Variants in DNAH6 observed in about 807,000 individuals in gnomAD.
The protein encoded by DNAH6 is axonemal beta dynein heavy chain 6.
DNAH6 carries 340 observed loss-of-function variants against 491.4 expected under a neutral mutation model. The ratio of observed to expected loss-of-function variants is 0.69; its 90% CI spans 0.63 to 0.76. The LOEUF (loss-of-function observed/expected upper bound fraction) is 0.76. Among genes scored for constraint, DNAH6 ranks in the 30% least tolerant of loss-of-function variants. The pLI, the probability that DNAH6 is intolerant of heterozygous loss-of-function variation, is 0.00. For missense variants in DNAH6, 4,443 were observed against 4,972.2 expected, an observed-to-expected ratio of 0.89 and a Z score of 3.20; for synonymous variants, 1,603 against 1,686.1, an observed-to-expected ratio of 0.95 and a Z score of 1.21.
At chr2:84,700,868 G>T (rs541729110) in intron 48 of DNAH6, among the ~76,000 whole-genome samples, 1 of 152,268 alleles carries the variant, frequency 6.6e-6, no homozygotes, top group Admixed American at 6.5e-5. Flanking sequence ...AGCAACTTCC[G>T]TGTGCATGAT....
chr2:84,493,031 ATATATATTTACTATAG>A, the DNAH6 span, among the ~76,000 whole-genome samples: 2 of 152,084 alleles, frequency 1.3e-5, no homozygotes, highest in Non-Finnish European at 2.9e-5. Context: ...TACTACATGT[ATATATATTTACTATAG>A]CAGGGGTTGG....
At chr2:84,702,903 G>A (rs1696066391) in intron 49 of DNAH6, among the ~76,000 whole-genome samples, 3 of 152,138 alleles carry the variant, frequency 2.0e-5, no homozygotes. Flanking sequence ...CCAGATACCA[G>A]CCCTTTGATC....
intron 18 of DNAH6, among the ~76,000 whole-genome samples, chr2:84,598,489 A>G (rs1388910325): frequency 2.0e-5 from 3 of 152,316 alleles, no homozygotes; most frequent in African/African-American, 4.8e-5. Context: ...TTGTGTGAAC[A>G]TGAGTTTTCT....
intron 64 of DNAH6, among the ~76,000 whole-genome samples, chr2:84,780,146 G>A (rs1051417521): frequency 7.9e-5 from 12 of 151,934 alleles, no homozygotes; most frequent in African/African-American, 2.4e-4. Context: ...TATCTCCCAG[G>A]GTTTCTCTGA....
chr2:84,466,549 G>C, the DNAH6 span, among the ~76,000 whole-genome samples: 2 of 152,098 alleles, frequency 1.3e-5, no homozygotes, highest in African/African-American at 4.8e-5. Context: ...CAAAACAAAG[G>C]ATCAGCAATA....
At chr2:84,649,274 C>A (rs143245837) in intron 33 of DNAH6, among the ~76,000 whole-genome samples, 1 of 152,310 alleles carries the variant, frequency 6.6e-6, no homozygotes, top group East Asian at 1.9e-4. Flanking sequence ...GAACCCACAG[C>A]ATCTCTGAAG....
chr2:84,758,573 T>TATAAAG (rs1465532729), intron 63 of DNAH6, among the ~76,000 whole-genome samples: 1 of 151,982 alleles, frequency 6.6e-6, no homozygotes, highest in East Asian at 1.9e-4. Flanking sequence ...GATAATATAA[T>TATAAAG]ATAAAGATAA....
the DNAH6 span, among the ~76,000 whole-genome samples, chr2:84,460,667 T>C: frequency 6.6e-6 from 1 of 151,362 alleles, no homozygotes; most frequent in East Asian, 2.0e-4. Flanking sequence ...TGAATTGATA[T>C]ATATAGGAGA....
At chr2:84,687,533 A>G (rs1477454697) in intron 44 of DNAH6, among the ~76,000 whole-genome samples, 1 of 152,130 alleles carries the variant, frequency 6.6e-6, no homozygotes, top group Non-Finnish European at 1.5e-5. Context: ...TGTAAAGTAT[A>G]TATTTATATT....
At position 84,786,736 on chromosome 2, in the gene DNAH6, C is replaced by G. The variant is rs369617383; in HGVS notation, c.11101-428C>G. ...TGCCATGAAACAAAAAAATATGATTCTGTGTGTGGCATAACTGAAAAATCA... is the reference window on the plus strand; with the variant it reads ...TGCCATGAAACAAAAAAATATGATTGTGTGTGTGGCATAACTGAAAAATCA... On this transcript the variant is annotated intron_variant, in intron 67 of 76. Coordinates refer to ENST00000389394, the MANE Select transcript of DNAH6 (RefSeq NM_001370.2). 6.6e-5 allele frequency among the ~76,000 whole-genome samples: 10 copies of G among 152,192 alleles called. No individual in the cohort carries two copies. The East Asian group carries it at 1.7e-3, about 26-fold the overall frequency.
rs1056587841 is a variant in DNAH6, at chr2:84,621,123, A to G, written c.3793-68A>G. ...ATGTAGCTTAGGATTCTGTAATGGAAATACAGAAGGCATACAGCTTACAAG... is the reference window on the plus strand; with the variant it reads ...ATGTAGCTTAGGATTCTGTAATGGAGATACAGAAGGCATACAGCTTACAAG... On this transcript the variant is annotated intron_variant, in intron 24 of 76. Transcript: ENST00000389394. 6 of 1,477,226 alleles carry G rather than the reference A, an allele frequency of 4.1e-6. No homozygotes were observed. The African/African-American group carries it at 8.4e-5, about 21-fold the overall frequency. The allele number at this position is 1,477,226 out of a possible 1,614,324, so 91.5% of individuals were successfully genotyped here. A position where few individuals can be genotyped will look rare whatever the true frequency, so the allele number is the denominator to read the frequency against.
At chr2:84,546,110 C>A (rs1378465192) in intron 5 of DNAH6, among the ~76,000 whole-genome samples, 1 of 152,138 alleles carries the variant, frequency 6.6e-6, no homozygotes, top group East Asian at 1.9e-4. Flanking sequence ...CTATAGGCAA[C>A]CACTAATCTA....
intron 2 of DNAH6, among the ~76,000 whole-genome samples, chr2:84,518,678 A>T (rs1675833719): frequency 6.6e-6 from 1 of 152,156 alleles, no homozygotes; most frequent in Non-Finnish European, 1.5e-5. Context: ...AATGCCATCT[A>T]CTCATGTATA....
chr2:84,649,768 C>T (rs902616463), intron 33 of DNAH6, among the ~76,000 whole-genome samples: 6 of 151,922 alleles, frequency 3.9e-5, no homozygotes, highest in Non-Finnish European at 7.4e-5. Flanking sequence ...ACACCATTAT[C>T]CTCAGCAAAC....
At chr2:84,589,755 T>C (rs925813508) in intron 16 of DNAH6, among the ~76,000 whole-genome samples, 8 of 140,048 alleles carry the variant, frequency 5.7e-5, no homozygotes, top group African/African-American at 7.9e-5. Context: ...GAAAGGCTAA[T>C]AGAAGTCTCT....
At chr2:84,671,060 G>C (rs1558885368) in intron 39 of DNAH6, among the ~76,000 whole-genome samples, 1 of 152,034 alleles carries the variant, frequency 6.6e-6, no homozygotes, top group African/African-American at 2.4e-5. Flanking sequence ...GAGGTGAAGG[G>C]GTCATGGGAT....
At chr2:84,592,219 T>G (rs2104139892) in intron 16 of DNAH6, among the ~76,000 whole-genome samples, 1 of 152,106 alleles carries the variant, frequency 6.6e-6, no homozygotes, top group South Asian at 2.1e-4. Flanking sequence ...CTAAACTCCT[T>G]ATAGATAAGG....
chr2:84,534,837 T>C (rs1036122396), intron 4 of DNAH6, among the ~76,000 whole-genome samples: 12 of 152,044 alleles, frequency 7.9e-5, no homozygotes, highest in Non-Finnish European at 1.8e-4. Flanking sequence ...AAATGTAATG[T>C]TTAAAATGGT....
chr2:84,657,120 C>T (rs1427539671), intron 35 of DNAH6, among the ~76,000 whole-genome samples: 4 of 151,860 alleles, frequency 2.6e-5, no homozygotes, highest in East Asian at 1.9e-4. Flanking sequence ...TTTGCTTTTT[C>T]GTTAAAAATC....
Sources: allele counts gnomAD v4.1 joint callset (sites outside exome capture counted in the v4.1 genomes callset), GRCh38; gene constraint gnomAD v4.1.1; transcripts MANE v1.5; gene names NCBI Gene and HGNC (gene_info 2026-07-23, HGNC 2026-07-21).